Variants in KCTD16 observed in about 807,000 individuals in gnomAD.
The protein encoded by KCTD16 is potassium channel tetramerization domain containing 16, also known as BTB/POZ domain-containing protein KCTD16.
Under a neutral mutation model 33.2 loss-of-function variants are expected in KCTD16, and 13 were observed. The observed-to-expected ratio is 0.39, with a 90% confidence interval of 0.25 to 0.62. KCTD16 has a LOEUF of 0.62. KCTD16 is among the 20% of genes least tolerant of loss of function. KCTD16 has a pLI of 0.50. For missense variants in KCTD16, 441 were observed against 525.1 expected, an observed-to-expected ratio of 0.84 and a Z score of 1.57; for synonymous variants, 197 against 195.3, an observed-to-expected ratio of 1.01 and a Z score of -0.07.
intron 3 of KCTD16, among the ~76,000 whole-genome samples, chr5:144,312,718 C>T (rs933053837): frequency 1.3e-5 from 2 of 152,146 alleles, no homozygotes; most frequent in Admixed American, 6.6e-5. Context: ...AATAATGTAT[C>T]GTTGGCAAAG....
At chr5:144,327,096 A>G (rs182095624) in intron 3 of KCTD16, among the ~76,000 whole-genome samples, 1 of 152,290 alleles carries the variant, frequency 6.6e-6, no homozygotes, top group African/African-American at 2.4e-5. Context: ...TATGGTGGCA[A>G]TGTTGGCAAC....
At chr5:144,440,847 C>T (rs1207940966) in intron 3 of KCTD16, among the ~76,000 whole-genome samples, 2 of 151,910 alleles carry the variant, frequency 1.3e-5, no homozygotes, top group Non-Finnish European at 2.9e-5. Flanking sequence ...CCCATTAACT[C>T]ATCATTTAGC....
intron 3 of KCTD16, among the ~76,000 whole-genome samples, chr5:144,317,393 G>A (rs549024741): frequency 6.6e-6 from 1 of 152,160 alleles, no homozygotes; most frequent in East Asian, 1.9e-4. Flanking sequence ...ACCTGCTATC[G>A]GAAATCACCT....
intron 3 of KCTD16, among the ~76,000 whole-genome samples, chr5:144,319,899 T>C (rs572071118): frequency 6.6e-6 from 1 of 152,110 alleles, no homozygotes; most frequent in South Asian, 2.1e-4. Context: ...GATAATTGTA[T>C]ATATAAAGGT....
intron 3 of KCTD16, among the ~76,000 whole-genome samples, chr5:144,458,999 G>C (rs1234468814): frequency 6.6e-6 from 1 of 152,168 alleles, no homozygotes; most frequent in African/African-American, 2.4e-5. Context: ...TTAAACTCCA[G>C]GCTCTAGTTT....
intron 3 of KCTD16, among the ~76,000 whole-genome samples, chr5:144,432,520 A>G (rs963907334): frequency 2.0e-5 from 3 of 152,184 alleles, no homozygotes; most frequent in African/African-American, 4.8e-5. Context: ...GATATCTTTG[A>G]AAAACACTTT....
At chr5:144,335,684 A>C (rs1395402303) in intron 3 of KCTD16, among the ~76,000 whole-genome samples, 3 of 152,206 alleles carry the variant, frequency 2.0e-5, no homozygotes, top group African/African-American at 7.2e-5. Flanking sequence ...AATCATAAAA[A>C]ATGAAGCAGA....
intron 3 of KCTD16, among the ~76,000 whole-genome samples, chr5:144,236,437 C>A (rs1428939719): frequency 6.6e-6 from 1 of 152,046 alleles, no homozygotes; most frequent in African/African-American, 2.4e-5. Context: ...ATTTATGGAA[C>A]TGGTGGGTAA....
chr5:144,332,691 G>A (rs1406957527), intron 3 of KCTD16, among the ~76,000 whole-genome samples: 1 of 152,198 alleles, frequency 6.6e-6, no homozygotes, highest in Non-Finnish European at 1.5e-5. Context: ...CCCATAAGGA[G>A]TTAGGGGTTG....
intron 3 of KCTD16, among the ~76,000 whole-genome samples, chr5:144,373,643 A>C (rs547861987): frequency 6.6e-6 from 1 of 152,178 alleles, no homozygotes; most frequent in Admixed American, 6.6e-5. Context: ...ACAGCTCAGC[A>C]TATAGGTCTG....
intron 3 of KCTD16, among the ~76,000 whole-genome samples, chr5:144,371,482 C>T (rs997837640): frequency 6.6e-6 from 1 of 152,166 alleles, no homozygotes; most frequent in African/African-American, 2.4e-5. Flanking sequence ...TTCTGTGTCT[C>T]TCTTGTAAGA....
At chr5:144,346,037 T>C (rs1044543193) in intron 3 of KCTD16, among the ~76,000 whole-genome samples, 3 of 151,858 alleles carry the variant, frequency 2.0e-5, no homozygotes, top group African/African-American at 4.8e-5. Flanking sequence ...GAAACTATTC[T>C]TCTACTTTCT....
rs529219785 is a variant in KCTD16, at chr5:144,292,650, T to C, written c.832+85104T>C. On this transcript the variant is annotated intron_variant, in intron 3 of 3. Coordinates refer to ENST00000512467, the MANE Select transcript of KCTD16 (RefSeq NM_020768.4). ...GAGATTCAGCATGAAGCTAGGAATT[T>C]GAAAGCCATCACTACAGAGAGATGA... Among the ~76,000 whole-genome samples, 4 of 152,280 alleles carry C rather than the reference T, an allele frequency of 2.6e-5. No individual in the cohort carries two copies. In the South Asian group the frequency reaches 8.3e-4, roughly 32 times the overall value.
intron 3 of KCTD16, among the ~76,000 whole-genome samples, chr5:144,273,502 CAA>C (rs1403759674): frequency 1.3e-5 from 2 of 152,120 alleles, no homozygotes; most frequent in African/African-American, 4.8e-5. Flanking sequence ...ACCAGGGCCT[CAA>C]AGAGACATTT....
rs539167188 is a variant in KCTD16, at chr5:144,303,317, T to G, written c.832+95771T>G. Among the ~76,000 whole-genome samples the G allele has an allele frequency of 2.2e-3, 336 of 152,360 alleles. 3 individuals are homozygous for G. Among genetic ancestry groups the G allele is most frequent in the Middle Eastern group, 6.8e-3 (2 of 294 alleles). On this transcript the variant is annotated intron_variant, in intron 3 of 3. Coordinates refer to ENST00000512467, the MANE Select transcript of KCTD16 (RefSeq NM_020768.4). ...TAATTACCTAAGCTGGGGAAGTGATTCTTTTTCTAGACTTAGGAACAAAGA... is the reference window on the plus strand; with the variant it reads ...TAATTACCTAAGCTGGGGAAGTGATGCTTTTTCTAGACTTAGGAACAAAGA...
chr5:144,332,811 C>T (rs939265531), intron 3 of KCTD16, among the ~76,000 whole-genome samples: 1 of 152,166 alleles, frequency 6.6e-6, no homozygotes, highest in Non-Finnish European at 1.5e-5. Flanking sequence ...ATACCCGAGA[C>T]TGGGTAATTT....
intron 3 of KCTD16, among the ~76,000 whole-genome samples, chr5:144,288,849 A>G (rs566724025): frequency 6.6e-6 from 1 of 152,206 alleles, no homozygotes; most frequent in South Asian, 2.1e-4. Context: ...CTGTAATCCC[A>G]GCTACTCCGG....
At chr5:144,308,399 G>T (rs186462806) in intron 3 of KCTD16, among the ~76,000 whole-genome samples, 191 of 152,298 alleles carry the variant, frequency 1.3e-3, no homozygotes, top group Non-Finnish European at 2.1e-3. Context: ...TGGCTCAGTG[G>T]GCAGATTCTA....
rs1349563954 is a variant in KCTD16, at chr5:144,474,218, T to G, written c.*104T>G. 3.4e-6 allele frequency: 3 copies of G among 881,272 alleles called. No homozygotes were observed. Among genetic ancestry groups the G allele is most frequent in the Non-Finnish European group, 5.2e-6 (3 of 582,312 alleles). The allele number at this position is 881,272 out of a possible 1,614,324, so 54.6% of individuals were successfully genotyped here. ...AAAAAAATACAACTAATGATGCACA[T>G]TTCTTAGAACACAATAGTCCATTGA... On this transcript the variant is annotated 3_prime_UTR_variant, in exon 4 of 4. Transcript: ENST00000512467.
Sources: gnomAD v4.1 joint callset for allele counts (sites outside exome capture counted in the v4.1 genomes callset) on GRCh38, gnomAD v4.1.1 for gene constraint, MANE v1.5 for transcripts, NCBI Gene and HGNC (gene_info 2026-07-23, HGNC 2026-07-21) for gene names.